OR6N1: variants seen among roughly 807,000 people sequenced by gnomAD.
The protein encoded by OR6N1 is olfactory receptor 6N1.
For synonymous variants in OR6N1, 170 were observed against 150.7 expected (o/e 1.13, Z -0.94); for missense variants, 394 against 371.7 (o/e 1.06, Z -0.49).
chr1:158,777,386 T>C, the OR6N1 span: 78 of 1,614,140 alleles, frequency 4.8e-5, no homozygotes, highest in South Asian at 8.1e-4. Context: ...CTGAGAATAT[T>C]AGACAACATC....
chr1:158,839,311 AT>A, the OR6N1 span, among the ~76,000 whole-genome samples: 13 of 152,076 alleles, frequency 8.5e-5, no homozygotes, highest in Non-Finnish European at 1.9e-4. Flanking sequence ...ATGTGTGTGC[AT>A]TTTTTGTAAT....
At chr1:158,836,176 T>G in the OR6N1 span, among the ~76,000 whole-genome samples, 1 of 152,138 alleles carries the variant, frequency 6.6e-6, no homozygotes, top group East Asian at 1.9e-4. Context: ...TAAGGGATAT[T>G]GTTTAGAAAA....
At chr1:158,789,817 G>C in the OR6N1 span, among the ~76,000 whole-genome samples, 3 of 152,112 alleles carry the variant, frequency 2.0e-5, no homozygotes, top group African/African-American at 7.2e-5. Flanking sequence ...TGTTTCCTTT[G>C]CTGTACAGAA....
chr1:158,791,615 A>G, the OR6N1 span, among the ~76,000 whole-genome samples: 1 of 151,832 alleles, frequency 6.6e-6, no homozygotes, highest in Admixed American at 6.6e-5. Context: ...GATTACAGGC[A>G]TGCGCTACCA....
chr1:158,836,483 T>C, the OR6N1 span, among the ~76,000 whole-genome samples: 2 of 151,992 alleles, frequency 1.3e-5, no homozygotes, highest in Non-Finnish European at 2.9e-5. Context: ...AATTTATCCA[T>C]TTATCCATTT....
At chr1:158,779,093 T>G in the OR6N1 span, among the ~76,000 whole-genome samples, 5 of 150,884 alleles carry the variant, frequency 3.3e-5, no homozygotes, top group South Asian at 1.0e-3. Flanking sequence ...TGTGTTTTCA[T>G]AAAATCAATT....
chr1:158,794,786 G>A, the OR6N1 span, among the ~76,000 whole-genome samples: 1 of 152,160 alleles, frequency 6.6e-6, no homozygotes, highest in Non-Finnish European at 1.5e-5. Flanking sequence ...TAAACACAGT[G>A]TTATTTTGCC....
chr1:158,816,029 G>A, the OR6N1 span, among the ~76,000 whole-genome samples: 1,022 of 152,008 alleles, frequency 6.7e-3, 6 homozygotes, highest in African/African-American at 0.023. Flanking sequence ...ATGGTGGCGG[G>A]CACCTAAAGT....
At chr1:158,775,404 A>C (rs1435087659), upstream of OR6N1, 6 of 152,204 alleles carry the variant, frequency 3.9e-5, no homozygotes, top group Non-Finnish European at 1.5e-5. Flanking sequence ...TAGCTAGGAA[A>C]GAGGGAGCTG....
chr1:158,806,789 A>G, the OR6N1 span, among the ~76,000 whole-genome samples: 2 of 152,034 alleles, frequency 1.3e-5, no homozygotes, highest in African/African-American at 4.8e-5. Context: ...ATTTGTACCA[A>G]CACCTTTCCA....
the OR6N1 span, chr1:158,795,990 C>A: frequency 6.6e-6 from 1 of 152,234 alleles, no homozygotes; most frequent in Admixed American, 6.5e-5. Flanking sequence ...TGCCTTCAAC[C>A]TGCCATCATG....
chr1:158,780,370 T>G, the OR6N1 span, among the ~76,000 whole-genome samples: 1 of 152,208 alleles, frequency 6.6e-6, no homozygotes, highest in Non-Finnish European at 1.5e-5. Flanking sequence ...AATTATTGCA[T>G]GATCAAATGT....
chr1:158,814,208 G>C, the OR6N1 span, among the ~76,000 whole-genome samples: 2 of 151,932 alleles, frequency 1.3e-5, no homozygotes, highest in Non-Finnish European at 2.9e-5. Context: ...CTTTAACTTT[G>C]ATGCCTCTGC....
chr1:158,816,006 A>T, the OR6N1 span, among the ~76,000 whole-genome samples: 1 of 152,052 alleles, frequency 6.6e-6, no homozygotes, highest in African/African-American at 2.4e-5. Flanking sequence ...ATACAAAAAA[A>T]AATTAGCTGG....
the OR6N1 span, among the ~76,000 whole-genome samples, chr1:158,798,789 T>C: frequency 3.9e-5 from 6 of 152,202 alleles, no homozygotes; most frequent in African/African-American, 1.4e-4. Context: ...AGATTTCAAA[T>C]GTCTTACTCT....
intron 1 of OR6N1, among the ~76,000 whole-genome samples, chr1:158,771,267 C>T (rs1001452403): frequency 6.6e-6 from 1 of 152,116 alleles, no homozygotes; most frequent in Non-Finnish European, 1.5e-5. Context: ...AATTATTTTC[C>T]AGGCATATGT....
At chr1:158,790,184 C>T in the OR6N1 span, among the ~76,000 whole-genome samples, 1 of 152,048 alleles carries the variant, frequency 6.6e-6, no homozygotes, top group Admixed American at 6.6e-5. Flanking sequence ...CTTTTCTGTT[C>T]CATTACTCTA....
At chr1:158,770,215 A>T (rs548393767) in intron 1 of OR6N1, among the ~76,000 whole-genome samples, 3 of 152,348 alleles carry the variant, frequency 2.0e-5, no homozygotes, top group Non-Finnish European at 2.9e-5. Flanking sequence ...GAGTTTCCAC[A>T]TAACTCCAAA....
the OR6N1 span, chr1:158,796,091 A>C: frequency 6.6e-5 from 10 of 152,290 alleles, no homozygotes; most frequent in African/African-American, 9.7e-5. Flanking sequence ...TACAGTGGGA[A>C]AACAGTTGGT....
Sources: gnomAD v4.1 joint callset for allele counts (sites outside exome capture counted in the v4.1 genomes callset) on GRCh38, gnomAD v4.1.1 for gene constraint, MANE v1.5 for transcripts, NCBI Gene and HGNC (gene_info 2026-07-23, HGNC 2026-07-21) for gene names.